Variants in RGMB observed in about 807,000 individuals in gnomAD.
The protein encoded by RGMB is repulsive guidance molecule B.
Under a neutral mutation model 26.9 loss-of-function variants are expected in RGMB, and 16 were observed. The ratio of observed to expected loss-of-function variants is 0.60; its 90% CI spans 0.40 to 0.90. The LOEUF (loss-of-function observed/expected upper bound fraction) is 0.90. Among genes scored for constraint, RGMB ranks in the 40% least tolerant of loss-of-function variants. The probability of loss-of-function intolerance (pLI) is 0.00; values close to 1 mark genes in which losing one functional copy is unlikely to be tolerated. For missense variants in RGMB, 512 were observed against 573.3 expected, an observed-to-expected ratio of 0.89 and a Z score of 1.09; for synonymous variants, 225 against 229.3, an observed-to-expected ratio of 0.98 and a Z score of 0.17.
Position 98,773,796 on chromosome 5 carries a change from G to A in RGMB, c.-275G>A. On this transcript the variant is annotated 5_prime_UTR_variant, in exon 1 of 3. Coordinates refer to ENST00000513185, the MANE Select transcript of RGMB (RefSeq NM_001366508.1). Reference sequence around the variant, plus strand: ...GGGACTCGTCTCAGCAGTCGCTCACGGTCTTTGTGTCTTCTCTTCCGCCCC... The same window carrying A: ...GGGACTCGTCTCAGCAGTCGCTCACAGTCTTTGTGTCTTCTCTTCCGCCCC... 2.3e-6 allele frequency: 1 copy of A among 428,534 alleles called. No homozygotes were observed. Among genetic ancestry groups the A allele is most frequent in the Non-Finnish European group, 4.1e-6 (1 of 245,390 alleles). The allele number at this position is 428,534 out of a possible 1,614,324, so 26.5% of individuals were successfully genotyped here.
intron 2 of RGMB, among the ~76,000 whole-genome samples, chr5:98,784,692 A>AC (rs1746717207): frequency 6.6e-6 from 1 of 152,186 alleles, no homozygotes; most frequent in Non-Finnish European, 1.5e-5. Context: ...TTGACCCCAG[A>AC]CCTAGTACAT....
In RGMB at chr5:98,793,220, G is replaced by T; in HGVS notation, c.781G>T (p.Val261Leu). 2 of 1,614,018 alleles carry T rather than the reference G, an allele frequency of 1.2e-6. No homozygotes were observed. The highest frequency in any genetic ancestry group is 1.1e-5 in the South Asian group (1 of 91,088). Residue 261 changes from valine (V) to leucine (L), a missense_variant, in exon 3 of 3, where the codon GTG becomes TTG. Coordinates refer to ENST00000513185, the MANE Select transcript of RGMB (RefSeq NM_001366508.1). Reference protein sequence around the residue: ...GDSDAKSLRIVERESGHYVEM... With the variant: ...GDSDAKSLRILERESGHYVEM... ...CAGCGATGCCAAGAGCCTGCGTATCGTGGAAAGGGAGAGTGGCCACTATGT... is the reference window on the plus strand; with the variant it reads ...CAGCGATGCCAAGAGCCTGCGTATCTTGGAAAGGGAGAGTGGCCACTATGT...
At position 98,780,089 on chromosome 5, in the gene RGMB, G is replaced by A; in HGVS notation, c.645+1G>A. ...ATCCAGTGCTACTGCTACAAATAAG[G>A]CAAGTATACCTTCTTTTTTCCCTCT... On this transcript the variant is annotated splice_donor_variant, in intron 2 of 2. Coordinates refer to ENST00000513185, the MANE Select transcript of RGMB (RefSeq NM_001366508.1). LOFTEE classifies it high-confidence loss of function. 6.2e-7 allele frequency: 1 copy of A among 1,604,272 alleles called. No homozygotes were observed. Among genetic ancestry groups the A allele is most frequent in the Non-Finnish European group, 8.5e-7 (1 of 1,178,076 alleles).
At chr5:98,790,885 A>G (rs796851773) in intron 2 of RGMB, among the ~76,000 whole-genome samples, 7 of 152,304 alleles carry the variant, frequency 4.6e-5, no homozygotes, top group African/African-American at 1.7e-4. Flanking sequence ...TAAAAAGTCT[A>G]TTACTAACTC....
At position 98,793,040 on chromosome 5, in the gene RGMB, C is replaced by T. The variant is rs200059807; in HGVS notation, c.646-45C>T. ...TGCTACAGAGGGTTACCCCGTTCTGCTTCCTTCCCATTCTGTTAAACCTTG... is the reference window on the plus strand; with the variant it reads ...TGCTACAGAGGGTTACCCCGTTCTGTTTCCTTCCCATTCTGTTAAACCTTG... On this transcript the variant is annotated intron_variant, in intron 2 of 2. Transcript: ENST00000513185. 9.3e-5 allele frequency: 139 copies of T among 1,488,232 alleles called. 1 individual carries two copies. In the East Asian group the frequency reaches 3.2e-3, roughly 34 times the overall value. 92.2% of individuals were successfully genotyped at this position (1,488,232 alleles called of 1,614,324 possible). A position where few individuals can be genotyped will look rare whatever the true frequency, so the allele number is the denominator to read the frequency against.
At chr5:98,780,228 G>A (rs2250807) in intron 2 of RGMB, 140 bp downstream of exon 2, 217,573 of 708,020 alleles carry the variant, frequency 0.31, 35,820 homozygotes, top group South Asian at 0.44. Flanking sequence ...TTGATAAAGG[G>A]TTAAATAAAA....
Position 98,779,964 on chromosome 5 carries a change from T to C in RGMB, c.521T>C (p.Phe174Ser). ...TTTGGAGATCCTCACCTCAGAACTT[T>C]CAAGGATAACTTCCAAACATGCAAA... ...GLFGDPHLRT[F>S]KDNFQTCKVE... The change falls in exon 2 of 3, where the codon TTC becomes TCC. Residue 174 changes from phenylalanine (F) to serine (S), a missense_variant. Transcript: ENST00000513185. 1 of 1,613,538 alleles carries C rather than the reference T, an allele frequency of 6.2e-7. No individual in the cohort carries two copies. Among genetic ancestry groups the C allele is most frequent in the Non-Finnish European group, 8.5e-7 (1 of 1,179,662 alleles).
chr5:98,794,012 TAGAA>T lies in RGMB; in HGVS notation c.*262_*265del, dbSNP rs1747033928. ...ATAATGTCCCTGCCCAGGGACCTGT[TAGAA>T]AGCACTTTATTTTTTATATATTAAA... is the stretch of plus-strand genomic sequence containing the variant. On this transcript the variant is annotated 3_prime_UTR_variant, in exon 3 of 3. Coordinates refer to ENST00000513185, the MANE Select transcript of RGMB (RefSeq NM_001366508.1). 4 of 341,136 alleles carry T rather than the reference TAGAA, an allele frequency of 1.2e-5. No individual in the cohort carries two copies. In the East Asian group the frequency reaches 1.6e-4, roughly 13 times the overall value. 21.1% of individuals were successfully genotyped at this position (341,136 alleles called of 1,614,324 possible). A position where few individuals can be genotyped will look rare whatever the true frequency, so the allele number is the denominator to read the frequency against.
chr5:98,793,037 C>T (rs754959933), intron 2 of RGMB, 48 bp from the exon 3 acceptor site: 6 of 1,470,202 alleles, frequency 4.1e-6, no homozygotes, highest in South Asian at 1.3e-5. Context: ...TTACCCCGTT[C>T]TGCTTCCTTC....
At position 98,774,054 on chromosome 5, in the gene RGMB, G is replaced by C; in HGVS notation, c.-17G>C. On this transcript the variant is annotated 5_prime_UTR_variant, in exon 1 of 3. Coordinates refer to ENST00000513185, the MANE Select transcript of RGMB (RefSeq NM_001366508.1). ...CCGCCGCCCTCGCCGGAGCCCACGA[G>C]ACCTGCATGGACGGGCATGGGCTTG... The C allele has an allele frequency of 4.6e-6, 4 of 864,538 alleles. No homozygotes were observed. The highest frequency in any genetic ancestry group is 3.2e-5 in the East Asian group (1 of 31,038). The allele number at this position is 864,538 out of a possible 1,614,324, so 53.6% of individuals were successfully genotyped here.
At chr5:98,778,508 A>G (rs935245673) in intron 1 of RGMB, among the ~76,000 whole-genome samples, 1 of 152,178 alleles carries the variant, frequency 6.6e-6, no homozygotes, top group African/African-American at 2.4e-5. Flanking sequence ...AGACCTATAA[A>G]GATTTTATGT....
intron 2 of RGMB, among the ~76,000 whole-genome samples, chr5:98,789,966 T>A (rs759422512): frequency 6.6e-6 from 1 of 152,256 alleles, no homozygotes; most frequent in Non-Finnish European, 1.5e-5. Context: ...TGGTGTTTTT[T>A]AAAATTCCAA....
At chr5:98,783,560 C>T (rs1746673471) in intron 2 of RGMB, among the ~76,000 whole-genome samples, 1 of 152,200 alleles carries the variant, frequency 6.6e-6, no homozygotes, top group Non-Finnish European at 1.5e-5. Flanking sequence ...GGATGCTTGA[C>T]TTCTTCCATG....
chr5:98,769,591 G>C (rs563672767), upstream of RGMB: 1 of 152,584 alleles, frequency 6.6e-6, no homozygotes, highest in Non-Finnish European at 1.5e-5. Flanking sequence ...TTCCCAGCTG[G>C]CAAGCGTCGC....
chr5:98,784,336 T>C (rs911827331), intron 2 of RGMB, among the ~76,000 whole-genome samples: 2 of 152,236 alleles, frequency 1.3e-5, no homozygotes, highest in Non-Finnish European at 2.9e-5. Flanking sequence ...TGTAGCTACT[T>C]TCTTGGGAAT....
chr5:98,770,267 C>A (rs1746109608), upstream of RGMB: 1 of 201,086 alleles, frequency 5.0e-6, no homozygotes, highest in African/African-American at 2.3e-5. Flanking sequence ...GAAGAAAAGC[C>A]TAAATACATT....
chr5:98,770,400 C>T, upstream of RGMB: 1 of 398,598 alleles, frequency 2.5e-6, no homozygotes, highest in Non-Finnish European at 4.5e-6. Flanking sequence ...AAGCGCATTA[C>T]CTCCGCGCGC....
intron 1 of RGMB, among the ~76,000 whole-genome samples, chr5:98,775,383 A>T (rs1746368179): frequency 6.6e-6 from 1 of 152,220 alleles, no homozygotes; most frequent in Non-Finnish European, 1.5e-5. Context: ...GGCTTAATAA[A>T]AAAGTGTAAT....
rs1201613741 is a variant in RGMB, at chr5:98,773,876, G to A, written c.-195G>A. The A allele has an allele frequency of 7.9e-6, 4 of 507,156 alleles. No individual in the cohort carries two copies. The highest frequency in any genetic ancestry group is 3.4e-6 in the Non-Finnish European group (1 of 291,524). The allele number at this position is 507,156 out of a possible 1,614,324, so 31.4% of individuals were successfully genotyped here. ...GATGCCCCTGCGCCCCGCTGCTGCCGCCGCGGACTGGCTGCGCCGGCTGCG... is the reference window on the plus strand; with the variant it reads ...GATGCCCCTGCGCCCCGCTGCTGCCACCGCGGACTGGCTGCGCCGGCTGCG... On this transcript the variant is annotated 5_prime_UTR_variant, in exon 1 of 3. Transcript: ENST00000513185.
Sources: allele counts gnomAD v4.1 joint callset (sites outside exome capture counted in the v4.1 genomes callset), GRCh38; gene constraint gnomAD v4.1.1; transcripts MANE v1.5; gene names NCBI Gene and HGNC (gene_info 2026-07-23, HGNC 2026-07-21).